ANKS1B: variants seen among roughly 807,000 people sequenced by gnomAD.
The protein encoded by ANKS1B is ankyrin repeat and sterile alpha motif domain containing 1B, also known as ankyrin repeat and sterile alpha motif domain-containing protein 1B.
A neutral mutation model predicts 148.3 loss-of-function variants in ANKS1B; 36 were observed. The ratio of observed to expected loss-of-function variants is 0.24; its 90% confidence interval spans 0.19 to 0.32. The LOEUF (loss-of-function observed/expected upper bound fraction) is 0.32, where lower values mean the gene tolerates loss of function less well. ANKS1B is among the 10% of genes least tolerant of loss of function. The probability of loss-of-function intolerance (pLI) is 1.00; values close to 1 mark genes in which losing one functional copy is unlikely to be tolerated. For missense variants in ANKS1B, 1,157 were observed against 1,542.6 expected (o/e 0.75, Z 4.19); for synonymous variants, 542 against 560.8 (o/e 0.97, Z 0.47).
At chr12:99,979,578 A>G (rs1303121730) in intron 1 of ANKS1B, among the ~76,000 whole-genome samples, 1 of 152,160 alleles carries the variant, frequency 6.6e-6, no homozygotes, top group Non-Finnish European at 1.5e-5. Context: ...ATAAGTATGC[A>G]TATCCAGACC....
chr12:99,852,406 A>C (rs761050813), intron 1 of ANKS1B, among the ~76,000 whole-genome samples: 2 of 152,262 alleles, frequency 1.3e-5, no homozygotes, highest in Non-Finnish European at 2.9e-5. Flanking sequence ...CTTTAGGGCT[A>C]TAAATATGCA....
intron 15 of ANKS1B, among the ~76,000 whole-genome samples, chr12:99,094,075 C>T (rs963262897): frequency 2.0e-5 from 3 of 152,168 alleles, no homozygotes; most frequent in Non-Finnish European, 2.9e-5. Flanking sequence ...CATTGTCATT[C>T]ATTCATGTAG....
At chr12:99,706,109 T>C (rs1014145479) in intron 8 of ANKS1B, among the ~76,000 whole-genome samples, 5 of 152,118 alleles carry the variant, frequency 3.3e-5, no homozygotes, top group African/African-American at 9.6e-5. Flanking sequence ...GAGATAGTCA[T>C]GGAAAACATG....
chr12:99,590,161 T>C (rs909382811), intron 9 of ANKS1B, among the ~76,000 whole-genome samples: 1 of 152,116 alleles, frequency 6.6e-6, no homozygotes, highest in South Asian at 2.1e-4. Context: ...CATATATAGA[T>C]ATGTGAATTA....
chr12:99,717,935 G>C (rs71440829), intron 8 of ANKS1B, among the ~76,000 whole-genome samples: 3 of 126,416 alleles, frequency 2.4e-5, no homozygotes, highest in African/African-American at 3.1e-5. Context: ...ACGGAGTCTC[G>C]CTCTGTCGCC....
intron 17 of ANKS1B, among the ~76,000 whole-genome samples, chr12:98,889,769 TG>T (rs1320669381): frequency 6.6e-6 from 1 of 152,246 alleles, no homozygotes; most frequent in Non-Finnish European, 1.5e-5. Flanking sequence ...TTTGTAACTA[TG>T]AGTTTTATTA....
Position 98,745,712 on chromosome 12 carries a change from A to T in ANKS1B, c.*27T>A, listed in dbSNP as rs2097865473. 1.1e-5 allele frequency: 17 copies of T among 1,611,338 alleles called. No homozygotes were observed. Among genetic ancestry groups the T allele is most frequent in the Non-Finnish European group, 1.4e-5 (16 of 1,178,600 alleles). On this transcript the variant is annotated 3_prime_UTR_variant, in exon 27 of 27. Transcript: ENST00000683438. The stretch of plus-strand genomic sequence containing the variant: ...TCCGGGACCGCTTGGCGAGCAAGGC[A>T]CCGCGAGGACAGGAGGACGGCGAGT...
chr12:98,868,435 G>T (rs934077717), intron 17 of ANKS1B, among the ~76,000 whole-genome samples: 2 of 152,198 alleles, frequency 1.3e-5, no homozygotes, highest in Non-Finnish European at 2.9e-5. Flanking sequence ...GCACATGTTA[G>T]AAAAGAGATC....
chr12:98,764,056 A>G (rs1260171775), intron 25 of ANKS1B, among the ~76,000 whole-genome samples: 5 of 152,188 alleles, frequency 3.3e-5, no homozygotes, highest in Non-Finnish European at 7.4e-5. Context: ...GCCCTGTCAC[A>G]CCCATCCAGA....
intron 9 of ANKS1B, among the ~76,000 whole-genome samples, chr12:99,615,456 A>G (rs2097947790): frequency 6.6e-6 from 1 of 152,152 alleles, no homozygotes; most frequent in Admixed American, 6.6e-5. Context: ...CCCTGTAGCT[A>G]AACAAACCTC....
At chr12:99,955,527 A>G (rs1200901410) in intron 1 of ANKS1B, among the ~76,000 whole-genome samples, 1 of 128,864 alleles carries the variant, frequency 7.8e-6, no homozygotes, top group Admixed American at 7.9e-5. Flanking sequence ...AAAAAAAAAA[A>G]AGGCCTTCTC....
chr12:98,739,234 T>G (rs577292862), downstream of ANKS1B, among the ~76,000 whole-genome samples: 8 of 152,324 alleles, frequency 5.3e-5, no homozygotes, highest in South Asian at 1.5e-3. Flanking sequence ...GTTCTGCATT[T>G]CATTCGTTAC....
Position 99,832,733 on chromosome 12 carries a change from A to AG in ANKS1B, c.135-7345_135-7344insC, listed in dbSNP as rs573060640. On this transcript the variant is annotated intron_variant, in intron 1 of 26. Transcript: ENST00000683438. ...AGAGAGACTCCATCTTTAAAAAAAA[A>AG]AGAGAGAGAGAGAGAGAGAAAGCTC... Among the ~76,000 whole-genome samples the AG allele has an allele frequency of 1.2e-3, 183 of 150,904 alleles. 2 individuals carry two copies. Among genetic ancestry groups the AG allele is most frequent in the Non-Finnish European group, 1.6e-4 (11 of 67,630 alleles).
rs369191409 is a variant in ANKS1B at position 98,878,999 on chromosome 12, G to A, written c.2779-46863C>T. Among the ~76,000 whole-genome samples, 14 of 152,352 alleles carry A rather than the reference G, an allele frequency of 9.2e-5. No individual in the cohort carries two copies. In the East Asian group the frequency reaches 2.7e-3, roughly 29 times the overall value. On this transcript the variant is annotated intron_variant, in intron 17 of 26. Coordinates refer to ENST00000683438, the MANE Select transcript of ANKS1B (RefSeq NM_001352186.2). ...CAGGGCATCATATTGCATACTGTCT[G>A]TGTGATTGGCGCCTTCTGGAGTTGT...
rs559461896 is a variant in ANKS1B at position 99,337,434 on chromosome 12, AAAC to A, written c.1756+62194_1756+62196del. 7.2e-5 allele frequency among the ~76,000 whole-genome samples: 11 copies of A among 152,240 alleles called. No homozygotes were observed. The South Asian group carries it at 2.3e-3, about 32-fold the overall frequency. ...TCTTGAATTTCAAAGAGTTTCCTCA[AAAC>A]AGCTATTTGGAATTCTCTGTCTGAA... On this transcript the variant is annotated intron_variant, in intron 12 of 26. Transcript: ENST00000683438.
chr12:99,943,461 G>A (rs1385181203), intron 1 of ANKS1B, among the ~76,000 whole-genome samples: 1 of 152,090 alleles, frequency 6.6e-6, no homozygotes, highest in Non-Finnish European at 1.5e-5. Flanking sequence ...CACAACACTG[G>A]GTAATTTATA....
At chr12:99,204,684 C>A (rs550722522) in intron 14 of ANKS1B, among the ~76,000 whole-genome samples, 1 of 152,180 alleles carries the variant, frequency 6.6e-6, no homozygotes, top group Non-Finnish European at 1.5e-5. Flanking sequence ...ACGATTCCCC[C>A]CTAAAACCTA....
chr12:99,618,415 T>G (rs1002040595), intron 9 of ANKS1B, among the ~76,000 whole-genome samples: 2 of 152,120 alleles, frequency 1.3e-5, no homozygotes, highest in African/African-American at 4.8e-5. Flanking sequence ...CTCAGTAACT[T>G]GGAAGTAGCA....
intron 15 of ANKS1B, among the ~76,000 whole-genome samples, chr12:99,129,365 T>C (rs2065389588): frequency 6.6e-6 from 1 of 152,066 alleles, no homozygotes; most frequent in African/African-American, 2.4e-5. Context: ...AAATGTGACA[T>C]GTAGCATGGA....
Sources: gnomAD v4.1 joint callset for allele counts (sites outside exome capture counted in the v4.1 genomes callset) on GRCh38, gnomAD v4.1.1 for gene constraint, MANE v1.5 for transcripts, NCBI Gene and HGNC (gene_info 2026-07-23, HGNC 2026-07-21) for gene names.